HORMAD2: variants seen among roughly 807,000 people sequenced by gnomAD.
HORMAD2 encodes HORMA domain-containing protein 2.
HORMAD2 carries 45 observed loss-of-function variants against 38.8 expected under a neutral mutation model. The ratio of observed to expected loss-of-function variants is 1.16; its 90% CI spans 0.91 to 1.49. HORMAD2 has a LOEUF of 1.49. HORMAD2 is among the 40% of genes most tolerant of loss of function. The pLI is 0.00. For missense variants in HORMAD2, 338 were observed against 367.0 expected (o/e 0.92, Z 0.65); for synonymous variants, 126 against 122.8 (o/e 1.03, Z -0.17).
At chr22:30,140,027 A>C (rs1390634642) in intron 10 of HORMAD2, among the ~76,000 whole-genome samples, 1 of 151,886 alleles carries the variant, frequency 6.6e-6, no homozygotes, top group Non-Finnish European at 1.5e-5. Flanking sequence ...TTTGTGTCTA[A>C]TGCATGAGAG....
chr22:30,204,496 T>C, the HORMAD2 span, among the ~76,000 whole-genome samples: 1 of 152,200 alleles, frequency 6.6e-6, no homozygotes, highest in Non-Finnish European at 1.5e-5. Flanking sequence ...CAGAACTCCC[T>C]GGCCACCATT....
chr22:30,120,752 G>A (rs1922369836), intron 8 of HORMAD2, among the ~76,000 whole-genome samples: 1 of 152,112 alleles, frequency 6.6e-6, no homozygotes, highest in Non-Finnish European at 1.5e-5. Flanking sequence ...ATGAGATGAG[G>A]GTATTATCAG....
At chr22:30,152,582 C>T (rs960502245) in intron 10 of HORMAD2, among the ~76,000 whole-genome samples, 2 of 152,224 alleles carry the variant, frequency 1.3e-5, no homozygotes, top group African/African-American at 2.4e-5. Flanking sequence ...CCTCCCACCT[C>T]ACCCTCTCAA....
At chr22:30,125,018 G>T (rs747198614) in intron 10 of HORMAD2, among the ~76,000 whole-genome samples, 2 of 151,888 alleles carry the variant, frequency 1.3e-5, no homozygotes, top group Non-Finnish European at 2.9e-5. Flanking sequence ...TTGTGTGTTT[G>T]TGCATCTTTT....
intron 7 of HORMAD2, among the ~76,000 whole-genome samples, chr22:30,114,829 T>C (rs1921924023): frequency 2.0e-5 from 3 of 152,230 alleles, no homozygotes; most frequent in Non-Finnish European, 4.4e-5. Flanking sequence ...CTATAAGTTT[T>C]GTTCTGGTTG....
At chr22:30,108,768 G>C (rs1921399634) in intron 5 of HORMAD2, among the ~76,000 whole-genome samples, 1 of 152,138 alleles carries the variant, frequency 6.6e-6, no homozygotes, top group Admixed American at 6.5e-5. Context: ...ATTTTTGAAT[G>C]AATGCATAAA....
At chr22:30,201,257 G>T in the HORMAD2 span, among the ~76,000 whole-genome samples, 1 of 152,002 alleles carries the variant, frequency 6.6e-6, no homozygotes, top group Non-Finnish European at 1.5e-5. Context: ...TTCTCCATGT[G>T]TCTGTGTATC....
At chr22:30,128,936 C>G (rs903403357) in intron 10 of HORMAD2, among the ~76,000 whole-genome samples, 1 of 152,018 alleles carries the variant, frequency 6.6e-6, no homozygotes, top group East Asian at 1.9e-4. Flanking sequence ...ATGCCCTGGC[C>G]GGGCGCGGTG....
chr22:30,175,372 A>C (rs1330203770), intron 10 of HORMAD2, among the ~76,000 whole-genome samples: 2 of 142,364 alleles, frequency 1.4e-5, no homozygotes, highest in African/African-American at 5.1e-5. Flanking sequence ...AACATAGGAC[A>C]TGGAAAAACC....
intron 2 of HORMAD2, among the ~76,000 whole-genome samples, chr22:30,094,263 A>C (rs141049583): frequency 1.3e-5 from 2 of 152,332 alleles, no homozygotes; most frequent in African/African-American, 4.8e-5. Context: ...AGTAAAAGAA[A>C]TCAGAAACAA....
At chr22:30,114,934 T>C (rs1295837921) in intron 7 of HORMAD2, among the ~76,000 whole-genome samples, 1 of 152,198 alleles carries the variant, frequency 6.6e-6, no homozygotes, top group East Asian at 1.9e-4. Flanking sequence ...AGCTTTTCTA[T>C]AGGAACACAC....
At chr22:30,126,227 G>T (rs552215513) in intron 10 of HORMAD2, among the ~76,000 whole-genome samples, 1 of 151,928 alleles carries the variant, frequency 6.6e-6, no homozygotes, top group African/African-American at 2.4e-5. Context: ...GCAGTGGTGC[G>T]ATCTCTGCTT....
intron 10 of HORMAD2, 60 bp from the exon 11 acceptor site, chr22:30,176,003 T>C (rs1926433804): frequency 5.6e-6 from 6 of 1,064,278 alleles, no homozygotes; most frequent in African/African-American, 1.6e-5. Flanking sequence ...GTCTTATATA[T>C]GTCTTGTGCA....
intron 5 of HORMAD2, among the ~76,000 whole-genome samples, chr22:30,105,951 T>C (rs566936555): frequency 5.4e-4 from 83 of 152,316 alleles, no homozygotes; most frequent in African/African-American, 1.9e-3. Flanking sequence ...TAGAGCCAAA[T>C]TGGCATCCTT....
At chr22:30,081,958 G>A (rs562812413) in intron 1 of HORMAD2, among the ~76,000 whole-genome samples, 1 of 152,194 alleles carries the variant, frequency 6.6e-6, no homozygotes, top group South Asian at 2.1e-4. Flanking sequence ...TACAGTGTGA[G>A]ATTTAGGTTA....
At chr22:30,088,218 CATATATACAT>C (rs2068617597) in intron 1 of HORMAD2, among the ~76,000 whole-genome samples, 2 of 147,616 alleles carry the variant, frequency 1.4e-5, no homozygotes, top group South Asian at 4.2e-4. Context: ...CATATATACA[CATATATACAT>C]ATATACACAC....
intron 1 of HORMAD2, among the ~76,000 whole-genome samples, chr22:30,090,333 A>G (rs565333787): frequency 6.6e-6 from 1 of 152,358 alleles, no homozygotes; most frequent in South Asian, 2.1e-4. Flanking sequence ...ATTGCACTCT[A>G]CTGTGGGTGA....
chr22:30,110,378 A>C (rs1256285226), intron 5 of HORMAD2, among the ~76,000 whole-genome samples: 1 of 142,854 alleles, frequency 7.0e-6, no homozygotes, highest in Non-Finnish European at 1.5e-5. Flanking sequence ...AATTGTGAGC[A>C]TATACTTTTT....
In HORMAD2 at chr22:30,134,924, A is replaced by G. The variant is rs372181180; in HGVS notation, c.819+12710A>G. ...TAGCCACCATTTATTAAGTGCCCAC[A>G]AAAGGCTGTGTATATTTGTGAACCC... On this transcript the variant is annotated intron_variant, in intron 10 of 10. Transcript: ENST00000336726. Among the ~76,000 whole-genome samples, 9 of 152,280 alleles carry G rather than the reference A, an allele frequency of 5.9e-5. No individual in the cohort carries two copies. In the East Asian group the frequency reaches 7.7e-4, roughly 13 times the overall value.
Sources: gnomAD v4.1 joint callset for allele counts (sites outside exome capture counted in the v4.1 genomes callset) on GRCh38, gnomAD v4.1.1 for gene constraint, MANE v1.5 for transcripts, NCBI Gene and HGNC (gene_info 2026-07-23, HGNC 2026-07-21) for gene names.